FGF14: variants seen among roughly 807,000 people sequenced by gnomAD.
FGF14 encodes fibroblast growth factor 14.
FGF14 carries 5 observed loss-of-function variants against 25.5 expected under a neutral mutation model. The ratio of observed to expected loss-of-function variants is 0.20; its 90% CI spans 0.10 to 0.41. The LOEUF is 0.41. Among genes scored for constraint, FGF14 ranks in the 10% least tolerant of loss-of-function variants. The pLI is 1.00. For synonymous variants in FGF14, 138 were observed against 118.3 expected (o/e 1.17, Z -1.08); for missense variants, 222 against 320.1 (o/e 0.69, Z 2.34).
chr13:102,319,154 T>C (rs1262729091), intron 1 of FGF14, among the ~76,000 whole-genome samples: 1 of 152,222 alleles, frequency 6.6e-6, no homozygotes, highest in Non-Finnish European at 1.5e-5. Context: ...CAAAATGTCA[T>C]GTGTACTTTT....
intron 1 of FGF14, among the ~76,000 whole-genome samples, chr13:102,165,465 C>G (rs568873711): frequency 6.6e-6 from 1 of 151,854 alleles, no homozygotes; most frequent in Non-Finnish European, 1.5e-5. Flanking sequence ...CACATATACA[C>G]CATGGAATAC....
chr13:101,806,592 A>G (rs1193466061), intron 3 of FGF14, among the ~76,000 whole-genome samples: 2 of 152,126 alleles, frequency 1.3e-5, no homozygotes, highest in Non-Finnish European at 2.9e-5. Flanking sequence ...ATGACAAATT[A>G]TATTTTATGA....
intron 1 of FGF14, among the ~76,000 whole-genome samples, chr13:102,061,306 C>A (rs916496406): frequency 2.0e-5 from 3 of 152,198 alleles, no homozygotes; most frequent in Admixed American, 2.0e-4. Flanking sequence ...TAACACCTGC[C>A]CACTGGGGCT....
chr13:101,950,987 G>C (rs2139389663), intron 1 of FGF14, among the ~76,000 whole-genome samples: 1 of 152,234 alleles, frequency 6.6e-6, no homozygotes, highest in South Asian at 2.1e-4. Flanking sequence ...TAGTAGCTTA[G>C]TTTAGAAATC....
chr13:102,203,989 G>A (rs1218418083), intron 1 of FGF14, among the ~76,000 whole-genome samples: 1 of 152,160 alleles, frequency 6.6e-6, no homozygotes, highest in African/African-American at 2.4e-5. Flanking sequence ...ACATGACCAG[G>A]TACTATAGAT....
chr13:102,097,959 T>G (rs115279392), intron 1 of FGF14, among the ~76,000 whole-genome samples: 277 of 152,326 alleles, frequency 1.8e-3, no homozygotes, highest in African/African-American at 6.2e-3. Context: ...CTGCTGAGCC[T>G]CAGCCCAAGT....
intron 1 of FGF14, among the ~76,000 whole-genome samples, chr13:101,954,393 C>G (rs1015670698): frequency 6.6e-6 from 1 of 152,106 alleles, no homozygotes; most frequent in African/African-American, 2.4e-5. Context: ...AGTTTTATTT[C>G]ATTGTAGCAC....
At chr13:102,349,437 A>AT (rs1167937531) in intron 1 of FGF14, among the ~76,000 whole-genome samples, 1 of 152,222 alleles carries the variant, frequency 6.6e-6, no homozygotes. Context: ...GATGAATATA[A>AT]TATTCATTCT....
rs869232661 is a variant in FGF14, at chr13:101,820,778, C to CCACA, written c.408+47943_408+47946dup. Among the ~76,000 whole-genome samples, 41 of 28,536 alleles carry CCACA rather than the reference C, an allele frequency of 1.4e-3. 1 individual carries two copies. In the South Asian group the frequency reaches 0.015, roughly 11 times the overall value. 18.7% of individuals were successfully genotyped at this position (28,536 alleles called of 152,430 possible). A position where few individuals can be genotyped will look rare whatever the true frequency, so the allele number is the denominator to read the frequency against. On this transcript the variant is annotated intron_variant, in intron 3 of 4. Transcript: ENST00000376143. The stretch of plus-strand genomic sequence containing the variant: ...CTACAGTACACACACACACCACACA[C>CCACA]CACACACACACACACACACACACAC...
chr13:101,726,686 T>C lies in FGF14; in HGVS notation c.533A>G (p.Glu178Gly). ...TCTGTTCCCTTTCATAGCTTGCCCT[T>C]CCTTATTTAATCCCAAAAACCAGGC... The part of the protein sequence containing the change: ...GRAWFLGLNK[E>G]GQAMKGNRVK... The change falls in exon 4 of 5, where the codon GAA becomes GGA. Residue 178 changes from glutamate (E) to glycine (G), a missense_variant. By Grantham distance (98) the Glu-to-Gly change is moderately conservative (BLOSUM62 -2). Transcript: ENST00000376143. 6.2e-7 allele frequency: 1 copy of C among 1,613,598 alleles called. No individual in the cohort carries two copies. Among genetic ancestry groups the C allele is most frequent in the Non-Finnish European group, 8.5e-7 (1 of 1,179,692 alleles).
chr13:101,865,780 A>C (rs1467741592), intron 3 of FGF14, among the ~76,000 whole-genome samples: 3 of 152,168 alleles, frequency 2.0e-5, no homozygotes, highest in Non-Finnish European at 4.4e-5. Flanking sequence ...AGATGACCTG[A>C]GTATTTTATT....
At chr13:102,059,794 C>G (rs533644886) in intron 1 of FGF14, among the ~76,000 whole-genome samples, 1 of 150,994 alleles carries the variant, frequency 6.6e-6, no homozygotes, top group African/African-American at 2.4e-5. Flanking sequence ...GAGGTTGCAG[C>G]GAGCCGAGAT....
chr13:102,139,992 C>A (rs2046572959), intron 1 of FGF14, among the ~76,000 whole-genome samples: 1 of 151,470 alleles, frequency 6.6e-6, no homozygotes, highest in African/African-American at 2.4e-5. Context: ...ACGTACAAGC[C>A]TTCGTGTAAC....
At chr13:101,790,819 A>T (rs572400036) in intron 3 of FGF14, among the ~76,000 whole-genome samples, 13 of 152,308 alleles carry the variant, frequency 8.5e-5, no homozygotes, top group Admixed American at 1.3e-4. Flanking sequence ...TATGATAAAT[A>T]TAGATGAAGA....
In FGF14 at chr13:101,717,283, C is replaced by T. The variant is rs1210532418; in HGVS notation, c.*5548G>A. ...TGATTTTTATAGTACTAACAATGTT[C>T]TCATAATGTAATAGATTTATAAAAA... On this transcript the variant is annotated 3_prime_UTR_variant, in exon 5 of 5. Coordinates refer to ENST00000376143, the MANE Select transcript of FGF14 (RefSeq NM_004115.4). 6.6e-6 allele frequency: 1 copy of T among 152,118 alleles called. No homozygotes were observed. Among genetic ancestry groups the T allele is most frequent in the South Asian group, 2.1e-4 (1 of 4,824 alleles). The allele number at this position is 152,118 out of a possible 1,614,324, so 9.4% of individuals were successfully genotyped here. A position where few individuals can be genotyped will look rare whatever the true frequency, so the allele number is the denominator to read the frequency against.
intron 1 of FGF14, among the ~76,000 whole-genome samples, chr13:102,340,842 A>C (rs2056928607): frequency 6.6e-6 from 1 of 152,220 alleles, no homozygotes; most frequent in Non-Finnish European, 1.5e-5. Context: ...TACCCAAGAA[A>C]GCAAGAATAT....
intron 1 of FGF14, among the ~76,000 whole-genome samples, chr13:102,336,452 A>G (rs1247977950): frequency 6.6e-6 from 1 of 152,132 alleles, no homozygotes; most frequent in Non-Finnish European, 1.5e-5. Context: ...AATGGAAGCT[A>G]AAAGAGGTTG....
In FGF14 at chr13:101,718,438, TGA is replaced by T. The variant is rs1199067930; in HGVS notation, c.*4391_*4392del. ...CAAGAACAAACTTACTTGTAATGGG[TGA>T]GAGAAAATAAGCAAATCTCATTGGC... On this transcript the variant is annotated 3_prime_UTR_variant, in exon 5 of 5. Coordinates refer to ENST00000376143, the MANE Select transcript of FGF14 (RefSeq NM_004115.4). The T allele has an allele frequency of 1.3e-5, 2 of 152,030 alleles. No individual in the cohort carries two copies. Among genetic ancestry groups the T allele is most frequent in the African/African-American group, 4.8e-5 (2 of 41,406 alleles). The allele number at this position is 152,030 out of a possible 1,614,324, so 9.4% of individuals were successfully genotyped here. A position where few individuals can be genotyped will look rare whatever the true frequency, so the allele number is the denominator to read the frequency against.
Position 101,906,071 on chromosome 13 carries a change from C to T in FGF14, c.193+10382G>A, listed in dbSNP as rs553681173. Among the ~76,000 whole-genome samples the T allele has an allele frequency of 7.2e-5, 11 of 152,230 alleles. No homozygotes were observed. In the South Asian group the frequency reaches 2.3e-3, roughly 32 times the overall value. ...TTCCTTTAATTCATCAGGTATGAAA[C>T]CAAGAAGACTGCTTCTACCTAGCAT... On this transcript the variant is annotated intron_variant, in intron 1 of 4. Transcript: ENST00000376143.
Sources: allele counts gnomAD v4.1 joint callset (sites outside exome capture counted in the v4.1 genomes callset), GRCh38; gene constraint gnomAD v4.1.1; transcripts MANE v1.5; gene names NCBI Gene and HGNC (gene_info 2026-07-23, HGNC 2026-07-21).